ATP8A2: variants seen among roughly 807,000 people sequenced by gnomAD.
ATP8A2 encodes the protein ATPase phospholipid transporting 8A2, also known as phospholipid-transporting ATPase IB.
In ATP8A2, 100 loss-of-function variants were observed where a neutral mutation model predicts 165.6. That is an observed-to-expected ratio of 0.60 (90% CI 0.51 to 0.71). The LOEUF is 0.71. ATP8A2 is among the 30% of genes least tolerant of loss of function. ATP8A2 has a pLI of 0.00. For synonymous variants in ATP8A2, 543 were observed against 548.8 expected (o/e 0.99, Z 0.15); for missense variants, 1,227 against 1,479.5 (o/e 0.83, Z 2.80).
chr13:25,377,024 G>A (rs59911085), intron 1 of ATP8A2, among the ~76,000 whole-genome samples: 3,996 of 152,310 alleles, frequency 0.026, 167 homozygotes, highest in African/African-American at 0.089. Context: ...CTCTGCGGAC[G>A]CCTTCCGTTG....
chr13:25,973,868 T>C (rs990227117), intron 35 of ATP8A2, among the ~76,000 whole-genome samples: 17 of 152,190 alleles, frequency 1.1e-4, no homozygotes, highest in African/African-American at 3.9e-4. Flanking sequence ...GCAGTGCACA[T>C]GTGGTGCATC....
chr13:25,419,213 G>A (rs1285432800), intron 1 of ATP8A2, among the ~76,000 whole-genome samples: 2 of 152,130 alleles, frequency 1.3e-5, no homozygotes, highest in African/African-American at 4.8e-5. Flanking sequence ...GGAAACTTTA[G>A]TTCTAGTCTT....
At chr13:25,768,914 A>C in intron 25 of ATP8A2, 132 bp from the exon 26 acceptor site, 4 of 854,880 alleles carry the variant, frequency 4.7e-6, no homozygotes, top group Non-Finnish European at 7.5e-6. Context: ...TTCTTTGCAC[A>C]TGAGCATAAA....
rs116517028 is a variant in ATP8A2 at position 25,573,844 on chromosome 13, T to C, written c.1663-964T>C. On this transcript the variant is annotated intron_variant, in intron 18 of 36. Coordinates refer to ENST00000381655, the MANE Select transcript of ATP8A2 (RefSeq NM_016529.6). ...ATTGATGAAGGCTGGATGAAGTGGA[T>C]CATTAGTTGTTTTGTAGGATGCAAA... Among the ~76,000 whole-genome samples, 1,101 of 152,294 alleles carry C rather than the reference T, an allele frequency of 7.2e-3. 17 individuals are homozygous for C. Among genetic ancestry groups the C allele is most frequent in the African/African-American group, 0.026 (1,066 of 41,558 alleles).
At chr13:25,564,934 C>T (rs113030308) in intron 16 of ATP8A2, among the ~76,000 whole-genome samples, 1,828 of 151,156 alleles carry the variant, frequency 0.012, 37 homozygotes, top group African/African-American at 0.041. Context: ...TAGTTTAGCT[C>T]CCACATTTCA....
chr13:25,569,907 A>T (rs2039417054), intron 16 of ATP8A2, among the ~76,000 whole-genome samples: 1 of 152,238 alleles, frequency 6.6e-6, no homozygotes. Context: ...ATTTTTGAGC[A>T]AATAAAATAA....
chr13:25,546,267 A>T (rs1566249205), intron 10 of ATP8A2, among the ~76,000 whole-genome samples: 1 of 152,114 alleles, frequency 6.6e-6, no homozygotes, highest in African/African-American at 2.4e-5. Flanking sequence ...CCTAGGTGTG[A>T]GAAACCTCTT....
chr13:25,745,694 G>A (rs576160757), intron 25 of ATP8A2, among the ~76,000 whole-genome samples: 1 of 152,316 alleles, frequency 6.6e-6, no homozygotes, highest in African/African-American at 2.4e-5. Flanking sequence ...AGAGAGGGTA[G>A]TATTTAAGGA....
intron 24 of ATP8A2, among the ~76,000 whole-genome samples, chr13:25,607,889 A>G (rs1231568080): frequency 1.3e-5 from 2 of 152,208 alleles, no homozygotes; most frequent in Non-Finnish European, 2.9e-5. Context: ...TTATTTGACC[A>G]GTGATTTTCT....
chr13:25,401,398 T>C (rs184193155), intron 1 of ATP8A2, among the ~76,000 whole-genome samples: 1 of 152,352 alleles, frequency 6.6e-6, no homozygotes, highest in East Asian at 1.9e-4. Flanking sequence ...AATCGAGTTA[T>C]AAATTGAATC....
At chr13:25,699,061 T>C in intron 24 of ATP8A2, 112 bp from the exon 25 acceptor site, 2 of 816,626 alleles carry the variant, frequency 2.4e-6, no homozygotes, top group East Asian at 2.7e-5. Flanking sequence ...TGATAGTATA[T>C]TTATATTAGA....
chr13:25,399,397 C>CCTTTTTT (rs1299469233), intron 1 of ATP8A2, among the ~76,000 whole-genome samples: 2 of 74,058 alleles, frequency 2.7e-5, no homozygotes, highest in East Asian at 8.9e-4. Context: ...AGTGGTTCTT[C>CCTTTTTT]TTTTTTTTTT....
At chr13:25,435,697 GT>G (rs1231262701) in intron 1 of ATP8A2, among the ~76,000 whole-genome samples, 1 of 151,090 alleles carries the variant, frequency 6.6e-6, no homozygotes, top group East Asian at 1.9e-4. Flanking sequence ...GGATCTTGTG[GT>G]TTTTTTCTCC....
chr13:25,506,095 A>G (rs974980006), intron 2 of ATP8A2, among the ~76,000 whole-genome samples: 13 of 152,208 alleles, frequency 8.5e-5, no homozygotes, highest in African/African-American at 3.1e-4. Flanking sequence ...ACAGCTTCCT[A>G]TAAAGGACAG....
rs562717234 is a variant in ATP8A2, at chr13:25,918,222, A to G, written c.3184-43353A>G. Among the ~76,000 whole-genome samples the G allele has an allele frequency of 1.2e-4, 18 of 152,352 alleles. 1 individual carries two copies. The South Asian group carries it at 3.1e-3, about 26-fold the overall frequency. On this transcript the variant is annotated intron_variant, in intron 33 of 36. Coordinates refer to ENST00000381655, the MANE Select transcript of ATP8A2 (RefSeq NM_016529.6). ...CTTCCAAAAGCATTCTGATAAAAATAAAATGCCTCAAGATGCTCAAGGTTC... is the reference window on the plus strand; with the variant it reads ...CTTCCAAAAGCATTCTGATAAAAATGAAATGCCTCAAGATGCTCAAGGTTC...
At chr13:25,506,959 A>ATATATATATCTATC (rs965878307) in intron 2 of ATP8A2, among the ~76,000 whole-genome samples, 17 of 145,940 alleles carry the variant, frequency 1.2e-4, no homozygotes, top group African/African-American at 4.3e-4. Context: ...ATATATATAT[A>ATATATATATCTATC]TATCTTATTT....
At chr13:25,892,048 G>C (rs536811442) in intron 33 of ATP8A2, among the ~76,000 whole-genome samples, 3 of 151,108 alleles carry the variant, frequency 2.0e-5, no homozygotes, top group Non-Finnish European at 4.4e-5. Context: ...GTGCAGGGGC[G>C]CGATCTTGGC....
chr13:25,514,276 A>G (rs1215845718), intron 2 of ATP8A2, among the ~76,000 whole-genome samples: 1 of 152,170 alleles, frequency 6.6e-6, no homozygotes, highest in Non-Finnish European at 1.5e-5. Flanking sequence ...CTCTGAGGAT[A>G]TTAGAATTAG....
At chr13:25,493,900 T>C (rs1186004678) in intron 2 of ATP8A2, among the ~76,000 whole-genome samples, 3 of 151,972 alleles carry the variant, frequency 2.0e-5, no homozygotes, top group South Asian at 2.1e-4. Flanking sequence ...TCAGGTGCAA[T>C]GTTTATTGAT....
Sources: gnomAD v4.1 joint callset for allele counts (sites outside exome capture counted in the v4.1 genomes callset) on GRCh38, gnomAD v4.1.1 for gene constraint, MANE v1.5 for transcripts, NCBI Gene and HGNC (gene_info 2026-07-23, HGNC 2026-07-21) for gene names.